The following CPVL variants were observed in gnomAD, a reference collection of about 807,000 sequenced individuals.
The protein encoded by CPVL is probable serine carboxypeptidase CPVL.
CPVL carries 51 observed loss-of-function variants against 63.7 expected under a neutral mutation model. The observed-to-expected ratio is 0.80, with a 90% CI of 0.64 to 1.01. CPVL has a LOEUF of 1.01. CPVL is among the 50% of genes least tolerant of loss of function. The pLI, the probability that CPVL is intolerant of heterozygous loss-of-function variation, is 0.00. For synonymous variants in CPVL, 195 were observed against 206.0 expected, an observed-to-expected ratio of 0.95 and a Z score of 0.46; for missense variants, 530 against 573.1, an observed-to-expected ratio of 0.92 and a Z score of 0.77.
intron 1 of CPVL, among the ~76,000 whole-genome samples, chr7:29,145,138 CT>C (rs1792354032): frequency 2.0e-5 from 3 of 151,792 alleles, no homozygotes; most frequent in Admixed American, 2.0e-4. Flanking sequence ...GTGCAGTGTA[CT>C]TTTCCAAAAG....
At chr7:29,064,278 G>A (rs1782931114) in intron 10 of CPVL, 44 bp from the exon 11 acceptor site, 5 of 1,241,568 alleles carry the variant, frequency 4.0e-6, no homozygotes, top group Non-Finnish European at 4.7e-6. Flanking sequence ...CATGATTGGT[G>A]GCAGGAACAG....
intron 11 of CPVL, among the ~76,000 whole-genome samples, chr7:29,051,649 G>C (rs537301132): frequency 6.6e-6 from 1 of 152,218 alleles, no homozygotes; most frequent in South Asian, 2.1e-4. Flanking sequence ...CTGTTGGTGG[G>C]AATGTAAACT....
rs1797053574 is a variant in CPVL, at chr7:29,174,734, C to T, written c.-11+6556G>A. The stretch of plus-strand genomic sequence containing the variant: ...AATTAGCTGGGCACGGTGGCACACA[C>T]CTGTAATCCCAGCTACTTGGGAGGC... On this transcript the variant is annotated intron_variant, in intron 5 of 16. Coordinates refer to the CPVL transcript ENST00000409850. Among the ~76,000 whole-genome samples the T allele has an allele frequency of 3.3e-5, 5 of 152,086 alleles. No homozygotes were observed. In the South Asian group the frequency reaches 1.0e-3, roughly 32 times the overall value.
chr7:29,096,508 T>A, intron 3 of CPVL: 1 of 466,160 alleles, frequency 2.1e-6, no homozygotes, highest in Non-Finnish European at 3.9e-6. Flanking sequence ...TTGTGCATGC[T>A]GCCAGACATC....
chr7:29,115,898 A>G (rs1028106114), intron 2 of CPVL, among the ~76,000 whole-genome samples: 7 of 152,284 alleles, frequency 4.6e-5, no homozygotes, highest in African/African-American at 1.7e-4. Flanking sequence ...CTCTCAAATG[A>G]TTCAGATGTT....
chr7:29,065,879 T>C (rs1353570297), intron 10 of CPVL, 144 bp downstream of exon 10: 12 of 495,828 alleles, frequency 2.4e-5, no homozygotes, highest in South Asian at 1.9e-4. Context: ...AAAGATTCTA[T>C]GGGTTAGTAG....
chr7:29,049,047 G>A (rs761062077), intron 11 of CPVL, among the ~76,000 whole-genome samples: 2 of 151,940 alleles, frequency 1.3e-5, no homozygotes, highest in African/African-American at 2.4e-5. Flanking sequence ...AGCCGTAAAC[G>A]CCTACATCAA....
chr7:29,107,337 C>T (rs1021207439), intron 3 of CPVL, among the ~76,000 whole-genome samples: 7 of 152,206 alleles, frequency 4.6e-5, no homozygotes, highest in Non-Finnish European at 7.3e-5. Context: ...ACAGGCCACA[C>T]GTTCAAGGGC....
chr7:29,064,287 A>C, intron 10 of CPVL, 53 bp from the exon 11 acceptor site: 1 of 1,157,172 alleles, frequency 8.6e-7, no homozygotes, highest in East Asian at 2.4e-5. Flanking sequence ...TGGCAGGAAC[A>C]GTATGTTGGG....
At chr7:29,114,534 G>A (rs1215934586) in intron 2 of CPVL, among the ~76,000 whole-genome samples, 1 of 152,116 alleles carries the variant, frequency 6.6e-6, no homozygotes, top group Non-Finnish European at 1.5e-5. Context: ...GGAGGCTGAG[G>A]TGGGAGGATC....
At chr7:29,179,236 A>G (rs1158960832) in intron 5 of CPVL, among the ~76,000 whole-genome samples, 1 of 152,200 alleles carries the variant, frequency 6.6e-6, no homozygotes, top group African/African-American at 2.4e-5. Context: ...ATCCCCTCAC[A>G]CAGCACTGCA....
chr7:29,099,661 G>A (rs571942548), intron 3 of CPVL, among the ~76,000 whole-genome samples: 17 of 152,268 alleles, frequency 1.1e-4, no homozygotes, highest in African/African-American at 2.6e-4. Context: ...GCAGTGAGCC[G>A]AGATCATGCC....
At chr7:29,184,931 A>G (rs1368706295) in intron 3 of CPVL, among the ~76,000 whole-genome samples, 1 of 152,214 alleles carries the variant, frequency 6.6e-6, no homozygotes, top group Admixed American at 6.5e-5. Context: ...CTTTGGGCAT[A>G]AAGAGTCAGC....
chr7:29,018,904 G>A (rs757523121), intron 12 of CPVL, among the ~76,000 whole-genome samples: 1 of 152,178 alleles, frequency 6.6e-6, no homozygotes, highest in South Asian at 2.1e-4. Context: ...CTGGGACCCA[G>A]AGATAACACT....
In CPVL at chr7:29,146,455, G is replaced by A; in HGVS notation, c.-37C>T. ...CGGCGCAGTCGGTGCTCCTCCCTGA[G>A]CCGCGGCGCGCAAGGACCCCAGCCG... is the stretch of plus-strand genomic sequence containing the variant. On this transcript the variant is annotated 5_prime_UTR_variant, in exon 1 of 13. Transcript: ENST00000265394. The A allele has an allele frequency of 1.4e-6, 2 of 1,380,296 alleles. No homozygotes were observed. The highest frequency in any genetic ancestry group is 3.1e-5 in the South Asian group (2 of 64,676). The allele number at this position is 1,380,296 out of a possible 1,614,324, so 85.5% of individuals were successfully genotyped here. A position where few individuals can be genotyped will look rare whatever the true frequency, so the allele number is the denominator to read the frequency against.
At chr7:29,071,992 G>T (rs1783793059) in intron 8 of CPVL, 88 bp from the exon 9 acceptor site, 6 of 1,533,264 alleles carry the variant, frequency 3.9e-6, no homozygotes, top group Non-Finnish European at 5.3e-6. Flanking sequence ...ATAATCCTTT[G>T]TAATTGTTAA....
chr7:29,135,357 A>T (rs902726461), intron 1 of CPVL, among the ~76,000 whole-genome samples: 5 of 151,096 alleles, frequency 3.3e-5, no homozygotes, highest in Admixed American at 2.6e-4. Context: ...TTTGAGACGG[A>T]GTCTTGCTCT....
chr7:29,059,839 AG>A (rs1352130191), intron 11 of CPVL, among the ~76,000 whole-genome samples: 1 of 152,108 alleles, frequency 6.6e-6, no homozygotes, highest in African/African-American at 2.4e-5. Flanking sequence ...GTTTCCATGG[AG>A]GGTTCTACTT....
chr7:29,177,127 C>A (rs984352778), intron 5 of CPVL, among the ~76,000 whole-genome samples: 2 of 152,166 alleles, frequency 1.3e-5, no homozygotes, highest in Non-Finnish European at 2.9e-5. Context: ...CACAGAGACA[C>A]TAAAAAATTT....
Sources: allele counts gnomAD v4.1 joint callset (sites outside exome capture counted in the v4.1 genomes callset), GRCh38; gene constraint gnomAD v4.1.1; transcripts MANE v1.5; gene names NCBI Gene and HGNC (gene_info 2026-07-23, HGNC 2026-07-21).